TBC1D9: variants seen among roughly 807,000 people sequenced by gnomAD.
TBC1D9 encodes TBC1 domain family member 9, also known as TBC1 domain family member 9A.
Under a neutral mutation model 132.0 loss-of-function variants are expected in TBC1D9, and 63 were observed. The observed-to-expected ratio is 0.48, with a 90% CI of 0.39 to 0.59. The LOEUF (loss-of-function observed/expected upper bound fraction) is 0.59. Among genes scored for constraint, TBC1D9 ranks in the 20% least tolerant of loss-of-function variants. TBC1D9 has a pLI of 0.00. For synonymous variants in TBC1D9, 610 were observed against 609.9 expected, an observed-to-expected ratio of 1.00 and a Z score of 0.00; for missense variants, 1,261 against 1,592.7, an observed-to-expected ratio of 0.79 and a Z score of 3.54.
chr4:140,748,108 G>C (rs372479304), intron 1 of TBC1D9, among the ~76,000 whole-genome samples: 2 of 152,124 alleles, frequency 1.3e-5, no homozygotes, highest in Admixed American at 1.3e-4. Context: ...AAAAGAGCTC[G>C]AGATATTTAA....
chr4:140,722,090 G>C (rs1738434288), intron 1 of TBC1D9, among the ~76,000 whole-genome samples: 1 of 152,138 alleles, frequency 6.6e-6, no homozygotes, highest in Non-Finnish European at 1.5e-5. Context: ...AATGGAAGTA[G>C]TTAACTGAAG....
rs116010127 is a variant in TBC1D9, at chr4:140,662,800, T to A, written c.1589-693A>T. 7.3e-3 allele frequency among the ~76,000 whole-genome samples: 1,110 copies of A among 152,320 alleles called. 7 individuals carry two copies. Among genetic ancestry groups the A allele is most frequent in the African/African-American group, 0.025 (1,021 of 41,564 alleles). On this transcript the variant is annotated intron_variant, in intron 9 of 20. Coordinates refer to ENST00000442267, the MANE Select transcript of TBC1D9 (RefSeq NM_015130.3). ...CAGAAAAACCCTATATGCAAGTATCTACCTCTCAATCTAAATTTTAATTAC... is the reference window on the plus strand; with the variant it reads ...CAGAAAAACCCTATATGCAAGTATCAACCTCTCAATCTAAATTTTAATTAC...
At chr4:140,741,123 A>G (rs1178086055) in intron 1 of TBC1D9, among the ~76,000 whole-genome samples, 1 of 152,134 alleles carries the variant, frequency 6.6e-6, no homozygotes, top group African/African-American at 2.4e-5. Context: ...AGAAAAACTG[A>G]CCAGTATTAA....
At chr4:140,645,365 C>T (rs554155591) in intron 13 of TBC1D9, 73 of 477,342 alleles carry the variant, frequency 1.5e-4, no homozygotes, top group African/African-American at 8.7e-4. Flanking sequence ...TGCCCACAGG[C>T]GGGTGTCGCA....
chr4:140,657,504 CAA>C lies in TBC1D9; in HGVS notation c.2207+21_2207+22del, dbSNP rs765311615. The C allele has an allele frequency of 1.3e-5, 21 of 1,584,932 alleles. No individual in the cohort carries two copies. The South Asian group carries it at 1.9e-4, about 14-fold the overall frequency. On this transcript the variant is annotated intron_variant, in intron 12 of 20. Transcript: ENST00000442267. ...GAGGAAGAAAACCGGAGATGGTTTT[CAA>C]AGTTAGGCTTAGTACAATACCTTCC... is the stretch of plus-strand genomic sequence containing the variant.
chr4:140,690,946 C>G (rs1290645789), intron 2 of TBC1D9, among the ~76,000 whole-genome samples: 2 of 152,130 alleles, frequency 1.3e-5, no homozygotes, highest in African/African-American at 4.8e-5. Context: ...ACTATGGATT[C>G]CTATCTAGAC....
chr4:140,671,674 CTGTGTGTGTGTGTGTGTGTGTGTGTGTG>C (rs34072180), intron 6 of TBC1D9, among the ~76,000 whole-genome samples: 2 of 141,722 alleles, frequency 1.4e-5, no homozygotes, highest in African/African-American at 5.5e-5. Context: ...AACTACCAGA[CTGTGTGTGTGTGTGTGTGTGTGTGTGTG>C]TGTGTGTGTG....
chr4:140,664,585 T>C (rs2111004024), intron 9 of TBC1D9, among the ~76,000 whole-genome samples: 1 of 152,310 alleles, frequency 6.6e-6, no homozygotes, highest in South Asian at 2.1e-4. Flanking sequence ...AAAGCTACAG[T>C]AAGCAAGACA....
intron 15 of TBC1D9, among the ~76,000 whole-genome samples, chr4:140,636,416 A>G (rs776609597): frequency 9.9e-5 from 15 of 152,118 alleles, no homozygotes; most frequent in East Asian, 1.9e-4. Context: ...TTTAAGAGAC[A>G]GGGTCTCACT....
chr4:140,754,343 G>A (rs1231856493), intron 1 of TBC1D9, among the ~76,000 whole-genome samples: 1 of 152,170 alleles, frequency 6.6e-6, no homozygotes, highest in African/African-American at 2.4e-5. Flanking sequence ...GCCGGGTGAG[G>A]TGGCTCACGC....
chr4:140,660,628 G>GA (rs1737341851), intron 10 of TBC1D9, among the ~76,000 whole-genome samples: 1 of 152,174 alleles, frequency 6.6e-6, no homozygotes, highest in African/African-American at 2.4e-5. Context: ...TTTTTTAGGG[G>GA]TCTACCTTGT....
chr4:140,729,073 ATTC>A (rs951779423), intron 1 of TBC1D9, among the ~76,000 whole-genome samples: 12 of 152,032 alleles, frequency 7.9e-5, no homozygotes, highest in African/African-American at 1.9e-4. Context: ...ACATCTTTCT[ATTC>A]TTCTTACTCT....
intron 13 of TBC1D9, among the ~76,000 whole-genome samples, chr4:140,650,955 C>T (rs1039967516): frequency 3.2e-4 from 49 of 152,274 alleles, no homozygotes; most frequent in Non-Finnish European, 5.9e-4. Context: ...GCAAGTGGGA[C>T]ACATAGCAAG....
intron 13 of TBC1D9, among the ~76,000 whole-genome samples, chr4:140,656,591 C>G (rs1737275966): frequency 9.2e-5 from 14 of 152,180 alleles, no homozygotes. Flanking sequence ...AAATCCCCAG[C>G]AAGGCTTTGT....
At position 140,679,058 on chromosome 4, in the gene TBC1D9, C is replaced by T; in HGVS notation, c.735G>A (p.Met245Ile). The change falls in exon 5 of 21, where the codon ATG becomes ATA. Residue 245 changes from methionine to isoleucine, a missense_variant. Coordinates refer to ENST00000442267, the MANE Select transcript of TBC1D9 (RefSeq NM_015130.3). ...FLNINETFKLMEQLANIAMRQ... is the reference protein window; with the variant it reads ...FLNINETFKLIEQLANIAMRQ... ...TCATGGCTATGTTGGCAAGCTGCTC[C>T]ATTAACTTGAAGGTCTCGTTGATGT... is the stretch of plus-strand genomic sequence containing the variant. 1 of 1,613,944 alleles carries T rather than the reference C, an allele frequency of 6.2e-7. No homozygotes were observed. Among genetic ancestry groups the T allele is most frequent in the Non-Finnish European group, 8.5e-7 (1 of 1,179,850 alleles).
intron 1 of TBC1D9, among the ~76,000 whole-genome samples, chr4:140,741,310 A>C (rs536692915): frequency 6.6e-6 from 1 of 152,298 alleles, no homozygotes; most frequent in African/African-American, 2.4e-5. Context: ...CTGCAAAGCT[A>C]TCTCTTGTGG....
chr4:140,736,511 C>T (rs1738676178), intron 1 of TBC1D9, among the ~76,000 whole-genome samples: 1 of 151,874 alleles, frequency 6.6e-6, no homozygotes, highest in Admixed American at 6.6e-5. Flanking sequence ...CTGTACTCCA[C>T]CCTGGGTGAC....
chr4:140,744,904 A>AT (rs1738814861), intron 1 of TBC1D9, among the ~76,000 whole-genome samples: 2 of 133,976 alleles, frequency 1.5e-5, no homozygotes, highest in Admixed American at 1.5e-4. Context: ...AAAAAAAAAA[A>AT]GAATCTCAGT....
intron 9 of TBC1D9, among the ~76,000 whole-genome samples, chr4:140,662,639 G>A (rs1005459166): frequency 1.3e-5 from 2 of 152,186 alleles, no homozygotes; most frequent in African/African-American, 2.4e-5. Flanking sequence ...TTTTCAAATT[G>A]CAGAGTGGTA....
Sources: allele counts gnomAD v4.1 joint callset (sites outside exome capture counted in the v4.1 genomes callset), GRCh38; gene constraint gnomAD v4.1.1; transcripts MANE v1.5; gene names NCBI Gene and HGNC (gene_info 2026-07-23, HGNC 2026-07-21).